Variants in CCL28 observed in about 807,000 individuals in gnomAD.
CCL28 encodes the protein C-C motif chemokine 28.
A neutral mutation model predicts 7.1 loss-of-function variants in CCL28; 4 were observed. The ratio of observed to expected loss-of-function variants is 0.56; its 90% confidence interval spans 0.28 to 1.29. CCL28 has a LOEUF of 1.29. CCL28 is among the 50% of genes most tolerant of loss of function. CCL28 has a pLI of 0.11. For missense variants in CCL28, 151 were observed against 163.4 expected, an observed-to-expected ratio of 0.92 and a Z score of 0.41; for synonymous variants, 55 against 57.8, an observed-to-expected ratio of 0.95 and a Z score of 0.22.
intron 1 of CCL28, among the ~76,000 whole-genome samples, chr5:43,402,022 G>C (rs1313193169): frequency 6.6e-6 from 1 of 152,188 alleles, no homozygotes; most frequent in East Asian, 1.9e-4. Flanking sequence ...AGGCAGGTTT[G>C]TAGCCCAGCA....
intron 1 of CCL28, among the ~76,000 whole-genome samples, chr5:43,397,860 TC>T (rs1740875779): frequency 6.6e-6 from 1 of 152,142 alleles, no homozygotes; most frequent in African/African-American, 2.4e-5. Flanking sequence ...ATTTATTCTC[TC>T]TTTTTTTTGC....
At chr5:43,410,116 G>A (rs991995900) in intron 1 of CCL28, among the ~76,000 whole-genome samples, 1 of 152,172 alleles carries the variant, frequency 6.6e-6, no homozygotes, top group Non-Finnish European at 1.5e-5. Context: ...ACTGGCACAG[G>A]CCTTTTTCCT....
At chr5:43,406,484 G>C (rs1395133875) in intron 1 of CCL28, among the ~76,000 whole-genome samples, 1 of 152,138 alleles carries the variant, frequency 6.6e-6, no homozygotes, top group Non-Finnish European at 1.5e-5. Flanking sequence ...ATTAGGTATT[G>C]ATGGGACGTA....
At chr5:43,392,372 C>G (rs1425592580) in intron 1 of CCL28, among the ~76,000 whole-genome samples, 1 of 152,160 alleles carries the variant, frequency 6.6e-6, no homozygotes, top group Non-Finnish European at 1.5e-5. Context: ...CTGCCTCGCC[C>G]TTCCAAAGTG....
chr5:43,412,238 A>G lies in CCL28; in HGVS notation c.64+15T>C, dbSNP rs763908738. 3 of 1,607,146 alleles carry G rather than the reference A, an allele frequency of 1.9e-6. No homozygotes were observed. The highest frequency in any genetic ancestry group is 2.6e-6 in the Non-Finnish European group (3 of 1,175,604). ...CTTTCCAGTGAAGGCCTAAGTGTCC[A>G]GTGCCCCCACTCACCTTCTGAGGCA... is the stretch of plus-strand genomic sequence containing the variant. On this transcript the variant is annotated intron_variant, in intron 1 of 2. Coordinates refer to ENST00000361115, the MANE Select transcript of CCL28 (RefSeq NM_148672.3).
At chr5:43,406,707 C>T (rs1428302812) in intron 1 of CCL28, among the ~76,000 whole-genome samples, 1 of 152,218 alleles carries the variant, frequency 6.6e-6, no homozygotes, top group Admixed American at 6.5e-5. Context: ...CAAAATGTCC[C>T]TGTCTGCAGA....
At position 43,381,652 on chromosome 5, in the gene CCL28, A is replaced by G; in HGVS notation, c.*208T>C. Reference sequence around the variant, plus strand: ...TGGGATAAAAGGTGTGAACCACCATACCCAGCCAGTATTATCTTTTCATTT... The same window carrying G: ...TGGGATAAAAGGTGTGAACCACCATGCCCAGCCAGTATTATCTTTTCATTT... On this transcript the variant is annotated 3_prime_UTR_variant, in exon 3 of 3. Coordinates refer to ENST00000361115, the MANE Select transcript of CCL28 (RefSeq NM_148672.3). 3.9e-6 allele frequency: 2 copies of G among 509,972 alleles called. No homozygotes were observed. Among genetic ancestry groups the G allele is most frequent in the Non-Finnish European group, 6.9e-6 (2 of 289,684 alleles). The allele number at this position is 509,972 out of a possible 1,614,324, so 31.6% of individuals were successfully genotyped here.
the CCL28 span, among the ~76,000 whole-genome samples, chr5:43,357,587 T>C: frequency 5.3e-5 from 8 of 152,162 alleles, no homozygotes; most frequent in African/African-American, 1.2e-4. Flanking sequence ...CAAATTCTTC[T>C]CCTTATTTCC....
chr5:43,372,770 C>CTT (rs879466483), downstream of CCL28, among the ~76,000 whole-genome samples: 3 of 133,700 alleles, frequency 2.2e-5, no homozygotes, highest in East Asian at 2.1e-4. Context: ...TATGAACATT[C>CTT]TTTTTTTTTT....
At position 43,405,363 on chromosome 5, in the gene CCL28, C is replaced by T. The variant is rs564823904; in HGVS notation, c.64+6890G>A. ...AAACTCACTCAAAACTGCTTAACTA[C>T]ATGGAAACTGAACAACCTGCTCATG... On this transcript the variant is annotated intron_variant, in intron 1 of 2. Transcript: ENST00000361115. Among the ~76,000 whole-genome samples the T allele has an allele frequency of 5.8e-4, 89 of 152,322 alleles. 1 individual carries two copies. Among genetic ancestry groups the T allele is most frequent in the African/African-American group, 2.1e-3 (87 of 41,560 alleles).
chr5:43,391,022 A>C (rs1017544300), intron 1 of CCL28, among the ~76,000 whole-genome samples: 4 of 152,210 alleles, frequency 2.6e-5, no homozygotes, highest in African/African-American at 9.7e-5. Flanking sequence ...TTGCTCCATT[A>C]AAAATAATGG....
intron 1 of CCL28, among the ~76,000 whole-genome samples, chr5:43,409,105 C>G (rs1055778967): frequency 2.0e-5 from 3 of 152,068 alleles, no homozygotes; most frequent in African/African-American, 7.2e-5. Flanking sequence ...TAGTGAGACT[C>G]TATCTCTACA....
Position 43,382,055 on chromosome 5 carries a change from G to A in CCL28, c.192-3C>T, listed in dbSNP as rs1424736647. 6.3e-7 allele frequency: 1 copy of A among 1,597,512 alleles called. No individual in the cohort carries two copies. The highest frequency in any genetic ancestry group is 2.2e-5 in the East Asian group (1 of 44,518). ...TTCTTCTGCGCTTGACATGAAGGCT[G>A]TTAGAAAAGGAAGCAAAAGAAAGTC... On this transcript the variant is annotated splice_polypyrimidine_tract_variant and splice_region_variant and intron_variant, in intron 2 of 2. Transcript: ENST00000361115.
chr5:43,405,910 A>G (rs534130363), intron 1 of CCL28, among the ~76,000 whole-genome samples: 12 of 152,322 alleles, frequency 7.9e-5, no homozygotes, highest in African/African-American at 2.2e-4. Flanking sequence ...AAATGGATAA[A>G]TTCCTGGACA....
rs1740017248 is a variant in CCL28, at chr5:43,379,418, C to T, written c.*2442G>A. 1 of 152,164 alleles carries T rather than the reference C, an allele frequency of 6.6e-6. No homozygotes were observed. The highest frequency in any genetic ancestry group is 6.5e-5 in the Admixed American group (1 of 15,280). The allele number at this position is 152,164 out of a possible 1,614,324, so 9.4% of individuals were successfully genotyped here. On this transcript the variant is annotated 3_prime_UTR_variant, in exon 3 of 3. Transcript: ENST00000361115. ...ATTTTTTCTTATTTAAAAAGCTTGT[C>T]TCTGCCACTTCCTGTGTGACCTGGG...
intron 1 of CCL28, among the ~76,000 whole-genome samples, chr5:43,403,623 G>A (rs997240961): frequency 1.2e-4 from 19 of 152,320 alleles, no homozygotes; most frequent in African/African-American, 3.4e-4. Context: ...CCAAAGGAAC[G>A]CAGCTCCTCA....
intron 2 of CCL28, among the ~76,000 whole-genome samples, chr5:43,386,328 A>G (rs1740335088): frequency 6.6e-6 from 1 of 152,232 alleles, no homozygotes; most frequent in African/African-American, 2.4e-5. Context: ...TGTACCAAGG[A>G]ATTTTTCAAA....
chr5:43,390,407 G>A (rs1740525803), intron 1 of CCL28, among the ~76,000 whole-genome samples: 1 of 152,208 alleles, frequency 6.6e-6, no homozygotes. Context: ...GAATGAGCAA[G>A]GATCTGAGGT....
At chr5:43,390,639 A>ATC (rs1740533167) in intron 1 of CCL28, among the ~76,000 whole-genome samples, 1 of 152,204 alleles carries the variant, frequency 6.6e-6, no homozygotes, top group Non-Finnish European at 1.5e-5. Context: ...TTTCAAATGG[A>ATC]TCCAGAGCAG....
Sources: allele counts gnomAD v4.1 joint callset (sites outside exome capture counted in the v4.1 genomes callset), GRCh38; gene constraint gnomAD v4.1.1; transcripts MANE v1.5; gene names NCBI Gene and HGNC (gene_info 2026-07-23, HGNC 2026-07-21).